ADARB2: variants seen among roughly 807,000 people sequenced by gnomAD.
ADARB2 encodes inactive double-stranded RNA-specific editase B2.
In ADARB2, 25 loss-of-function variants were observed where a neutral mutation model predicts 62.2. The ratio of observed to expected loss-of-function variants is 0.40; its 90% CI spans 0.29 to 0.56. The LOEUF is 0.56. Ranked by LOEUF, ADARB2 falls within the 20% of genes least tolerant of loss-of-function variation. The pLI is 0.43. For missense variants in ADARB2, 1,071 were observed against 1,077.4 expected, an observed-to-expected ratio of 0.99 and a Z score of 0.08; for synonymous variants, 572 against 500.8, an observed-to-expected ratio of 1.14 and a Z score of -1.90.
chr10:1,693,396 G>A (rs1239862637), intron 1 of ADARB2, among the ~76,000 whole-genome samples: 1 of 152,166 alleles, frequency 6.6e-6, no homozygotes, highest in Non-Finnish European at 1.5e-5. Context: ...AGGACCCCAA[G>A]CCACCACCTG....
chr10:1,689,916 C>T (rs769682074), intron 1 of ADARB2, among the ~76,000 whole-genome samples: 30 of 152,236 alleles, frequency 2.0e-4, no homozygotes, highest in East Asian at 7.7e-4. Flanking sequence ...TTTAAAAAAT[C>T]GTACAATTGA....
At chr10:1,254,919 G>A (rs1208517240) in intron 4 of ADARB2, among the ~76,000 whole-genome samples, 1 of 152,258 alleles carries the variant, frequency 6.6e-6, no homozygotes, top group Non-Finnish European at 1.5e-5. Context: ...CAACTGATTA[G>A]TGAATCCCAA....
intron 1 of ADARB2, among the ~76,000 whole-genome samples, chr10:1,408,496 T>C (rs577585489): frequency 6.7e-4 from 102 of 152,336 alleles, no homozygotes; most frequent in African/African-American, 2.3e-3. Flanking sequence ...GAGTCAAGAA[T>C]GTCAGGGCTC....
At chr10:1,222,902 CT>C (rs1830707616) in intron 6 of ADARB2, among the ~76,000 whole-genome samples, 1 of 151,548 alleles carries the variant, frequency 6.6e-6, no homozygotes, top group South Asian at 2.1e-4. Context: ...GATGTGGGCT[CT>C]TTTTTGGTTC....
intron 1 of ADARB2, among the ~76,000 whole-genome samples, chr10:1,394,646 C>T (rs530757412): frequency 1.6e-4 from 24 of 152,284 alleles, no homozygotes; most frequent in Admixed American, 7.2e-4. Flanking sequence ...AGGTGGGTCA[C>T]GAGCCACAGA....
At chr10:1,330,052 T>C (rs1322429517) in intron 3 of ADARB2, among the ~76,000 whole-genome samples, 2 of 152,000 alleles carry the variant, frequency 1.3e-5, no homozygotes, top group Non-Finnish European at 1.5e-5. Flanking sequence ...TTTTATGATT[T>C]TGGATATTTC....
chr10:1,229,007 G>A (rs1446866228), intron 6 of ADARB2, among the ~76,000 whole-genome samples: 1 of 152,220 alleles, frequency 6.6e-6, no homozygotes, highest in Non-Finnish European at 1.5e-5. Context: ...CGGCCAGAGT[G>A]CATGGGGTGA....
chr10:1,289,623 A>G (rs1831446091), intron 3 of ADARB2, among the ~76,000 whole-genome samples: 1 of 152,244 alleles, frequency 6.6e-6, no homozygotes, highest in Non-Finnish European at 1.5e-5. Flanking sequence ...TGGGCCTCCC[A>G]CTGCCCACCT....
At chr10:1,418,468 C>T (rs557955289) in intron 1 of ADARB2, among the ~76,000 whole-genome samples, 16 of 152,262 alleles carry the variant, frequency 1.1e-4, no homozygotes, top group African/African-American at 3.9e-4. Context: ...CAGACGAGGC[C>T]CAAGGTACCA....
At chr10:1,302,266 C>T (rs4880816) in intron 3 of ADARB2, among the ~76,000 whole-genome samples, 63,759 of 151,352 alleles carry the variant, frequency 0.42, 15,369 homozygotes, top group East Asian at 0.69. Context: ...AAAGGGGTGA[C>T]GGACGGCACC....
chr10:1,630,362 G>A (rs145349798), intron 1 of ADARB2, among the ~76,000 whole-genome samples: 106 of 152,238 alleles, frequency 7.0e-4, no homozygotes, highest in Middle Eastern at 3.4e-3. Context: ...GGCATAAAGG[G>A]GTGGGGAGGG....
intron 1 of ADARB2, among the ~76,000 whole-genome samples, chr10:1,688,572 C>A (rs993067789): frequency 6.6e-6 from 1 of 152,220 alleles, no homozygotes; most frequent in Admixed American, 6.5e-5. Flanking sequence ...GGCAGGAAAG[C>A]AGCAGCCCAG....
chr10:1,548,904 C>T (rs752135555), intron 1 of ADARB2, among the ~76,000 whole-genome samples: 6 of 151,980 alleles, frequency 3.9e-5, no homozygotes, highest in Admixed American at 6.6e-5. Context: ...TGTGAGGGGC[C>T]GAGGCAGGCC....
intron 1 of ADARB2, among the ~76,000 whole-genome samples, chr10:1,390,630 C>A (rs1165316972): frequency 2.0e-5 from 3 of 152,186 alleles, no homozygotes; most frequent in Admixed American, 6.5e-5. Flanking sequence ...ACTTATCGGA[C>A]TTTGGGTTTC....
At chr10:1,583,686 C>G (rs1833135988) in intron 1 of ADARB2, among the ~76,000 whole-genome samples, 1 of 152,206 alleles carries the variant, frequency 6.6e-6, no homozygotes, top group Non-Finnish European at 1.5e-5. Context: ...TCAATATATT[C>G]TCAATCAAAA....
intron 1 of ADARB2, among the ~76,000 whole-genome samples, chr10:1,529,415 A>G (rs1395901155): frequency 1.3e-5 from 2 of 152,128 alleles, no homozygotes; most frequent in Non-Finnish European, 2.9e-5. Context: ...AAGATTAGGG[A>G]AGGCGAGGAC....
intron 3 of ADARB2, among the ~76,000 whole-genome samples, chr10:1,301,490 T>C (rs1303114575): frequency 6.6e-6 from 1 of 152,234 alleles, no homozygotes; most frequent in Non-Finnish European, 1.5e-5. Flanking sequence ...TATCAATCAA[T>C]GCCCAATATA....
chr10:1,263,089 C>T (rs954496362), intron 4 of ADARB2, among the ~76,000 whole-genome samples: 1 of 131,938 alleles, frequency 7.6e-6, no homozygotes, highest in African/African-American at 2.9e-5. Context: ...AATGAGATCA[C>T]ATGGACACAG....
chr10:1,632,457 A>G (rs1833854859), intron 1 of ADARB2, among the ~76,000 whole-genome samples: 1 of 151,988 alleles, frequency 6.6e-6, no homozygotes, highest in South Asian at 2.1e-4. Flanking sequence ...CACACTACAC[A>G]TGTGCACACA....
Sources: gnomAD v4.1 joint callset for allele counts (sites outside exome capture counted in the v4.1 genomes callset) on GRCh38, gnomAD v4.1.1 for gene constraint, MANE v1.5 for transcripts, NCBI Gene and HGNC (gene_info 2026-07-23, HGNC 2026-07-21) for gene names.